The following SULF2 variants were observed in gnomAD, a reference collection of about 807,000 sequenced individuals.
The protein encoded by SULF2 is sulfatase 2, also known as extracellular sulfatase Sulf-2.
SULF2 carries 52 observed loss-of-function variants against 107.7 expected under a neutral mutation model. The ratio of observed to expected loss-of-function variants is 0.48; its 90% CI spans 0.39 to 0.61. The LOEUF (loss-of-function observed/expected upper bound fraction) is 0.61. SULF2 is among the 20% of genes least tolerant of loss of function. The pLI is 0.00. For missense variants in SULF2, 993 were observed against 1,177.3 expected (o/e 0.84, Z 2.29); for synonymous variants, 460 against 464.3 (o/e 0.99, Z 0.12).
At chr20:47,659,474 G>A in intron 19 of SULF2, 22 bp from the exon 20 acceptor site, 1 of 1,612,896 alleles carries the variant, frequency 6.2e-7, no homozygotes, top group Non-Finnish European at 8.5e-7. Context: ...AGTGTCAAAG[G>A]AGAATGAATG....
At chr20:47,705,168 G>A (rs2088689737) in intron 3 of SULF2, among the ~76,000 whole-genome samples, 1 of 152,224 alleles carries the variant, frequency 6.6e-6, no homozygotes, top group Non-Finnish European at 1.5e-5. Context: ...TCCAGAGGGA[G>A]GAGCTGATGA....
At position 47,680,136 on chromosome 20, in the gene SULF2, G is replaced by C. The variant is rs1012757762; in HGVS notation, c.1065-1332C>G. Among the ~76,000 whole-genome samples the C allele has an allele frequency of 6.6e-6, 1 of 152,100 alleles. No individual in the cohort carries two copies. The highest frequency in any genetic ancestry group is 1.5e-5 in the Non-Finnish European group (1 of 68,018). On this transcript the variant is annotated intron_variant, in intron 7 of 20. Transcript: ENST00000688720. This position sits in a 1 kb window ranked among gnomAD's most constrained non-coding sequence, Gnocchi z 4.2. ...TGTTTCTTTTTTTGAGAGGTGTCTT[G>C]CTCTGTCACCCAGGATGCAGTGTGG...
At position 47,678,398 on chromosome 20, in the gene SULF2, C is replaced by A; in HGVS notation, c.1193+278G>T. ...AGCGCCGTGCAGTTAGCACCATCTC[C>A]TACCATCACTGCTGCTATCATTTCA... On this transcript the variant is annotated intron_variant, in intron 8 of 20. Coordinates refer to ENST00000688720, the MANE Select transcript of SULF2 (RefSeq NM_001387048.1). The surrounding 1 kb of genome is among the most constrained non-coding windows in gnomAD (Gnocchi z 4.5). The A allele has an allele frequency of 2.4e-6, 1 of 414,718 alleles. No individual in the cohort carries two copies. The allele number at this position is 414,718 out of a possible 1,614,324, so 25.7% of individuals were successfully genotyped here.
rs6125070 is a variant in SULF2 at position 47,676,400 on chromosome 20, G to C, written c.1380+94C>G. The C allele has an allele frequency of 2.7e-3, 3,944 of 1,438,514 alleles. 107 individuals carry two copies. The East Asian group carries it at 0.066, about 24-fold the overall frequency. 89.1% of individuals were successfully genotyped at this position (1,438,514 alleles called of 1,614,324 possible). A position where few individuals can be genotyped will look rare whatever the true frequency, so the allele number is the denominator to read the frequency against. On this transcript the variant is annotated intron_variant, in intron 10 of 20. Coordinates refer to ENST00000688720, the MANE Select transcript of SULF2 (RefSeq NM_001387048.1). ...AAAGGACTACCCGTTGGGAGGCCCT[G>C]GCCCTGCTGGCTCAGCGGCTCTCAG...
intron 3 of SULF2, among the ~76,000 whole-genome samples, chr20:47,721,368 C>T (rs1405525413): frequency 1.1e-5 from 1 of 88,930 alleles, no homozygotes; most frequent in Admixed American, 1.0e-4. Flanking sequence ...TAAGAAGAAG[C>T]TATTTTTTTT....
Position 47,678,574 on chromosome 20 carries a change from C to T in SULF2, c.1193+102G>A, listed in dbSNP as rs985242718. The T allele has an allele frequency of 1.5e-5, 22 of 1,482,626 alleles. No homozygotes were observed. The highest frequency in any genetic ancestry group is 9.7e-5 in the African/African-American group (7 of 72,334). 91.8% of individuals were successfully genotyped at this position (1,482,626 alleles called of 1,614,324 possible). ...GGCGGGACCTGAGAACCCCAGCTCC[C>T]GACCCTTGGAGACCCCACGTTCTAG... is the stretch of plus-strand genomic sequence containing the variant. On this transcript the variant is annotated intron_variant, in intron 8 of 20. Coordinates refer to ENST00000688720, the MANE Select transcript of SULF2 (RefSeq NM_001387048.1). This position sits in a 1 kb window ranked among gnomAD's most constrained non-coding sequence, Gnocchi z 4.5.
At chr20:47,747,864 C>T (rs1287428086) in intron 2 of SULF2, among the ~76,000 whole-genome samples, 1 of 152,114 alleles carries the variant, frequency 6.6e-6, no homozygotes, top group Non-Finnish European at 1.5e-5. Context: ...ACTCACGATC[C>T]ATAAAGCAAA....
At chr20:47,705,013 A>T (rs117374620) in intron 3 of SULF2, among the ~76,000 whole-genome samples, 9,684 of 152,246 alleles carry the variant, frequency 0.064, 318 homozygotes, top group Middle Eastern at 0.078. Context: ...TTTCCTGGTG[A>T]CCTGGCAGAT....
chr20:47,771,521 G>T (rs190930567), intron 1 of SULF2, among the ~76,000 whole-genome samples: 2 of 152,224 alleles, frequency 1.3e-5, no homozygotes, highest in Admixed American at 1.3e-4. Context: ...GGGGAAAAAG[G>T]CCCCAACCTC....
intron 3 of SULF2, among the ~76,000 whole-genome samples, chr20:47,704,796 T>G (rs1214361528): frequency 6.6e-6 from 1 of 152,180 alleles, no homozygotes; most frequent in Non-Finnish European, 1.5e-5. Flanking sequence ...GCGCTGGGCC[T>G]TGTGCACGTG....
chr20:47,768,004 C>T (rs1003822984), intron 1 of SULF2, among the ~76,000 whole-genome samples: 5 of 152,250 alleles, frequency 3.3e-5, no homozygotes, highest in African/African-American at 7.2e-5. Flanking sequence ...AATGCTAGAT[C>T]GTGGGATCCT....
chr20:47,665,415 GC>G, intron 13 of SULF2, 122 bp from the exon 14 acceptor site: 1 of 734,986 alleles, frequency 1.4e-6, no homozygotes, highest in Non-Finnish European at 2.4e-6. Context: ...CACTCCCCGG[GC>G]CCCAGGGCAA....
At position 47,690,234 on chromosome 20, in the gene SULF2, A is replaced by C. The variant is rs1296283324; in HGVS notation, c.629T>G (p.Met210Arg). Reference protein sequence around the residue: ...SVSFFRTSKKMYPHRPVLMVI... With the variant: ...SVSFFRTSKKRYPHRPVLMVI... ...CATGAGGACTGGCCTGTGCGGGTAC[A>C]TCTTCTTGGACGTGCGGAAGAAGCT... is the stretch of plus-strand genomic sequence containing the variant. Residue 210 changes from methionine (M) to arginine (R), a missense_variant, in exon 5 of 21, where the codon ATG becomes AGG. Met to Arg is a moderately conservative substitution (Grantham distance 91, BLOSUM62 -1). Transcript: ENST00000688720. 2.5e-6 allele frequency: 4 copies of C among 1,571,580 alleles called. No homozygotes were observed. Among genetic ancestry groups the C allele is most frequent in the Non-Finnish European group, 3.5e-6 (4 of 1,155,640 alleles).
At chr20:47,706,248 C>T (rs989372198) in intron 3 of SULF2, among the ~76,000 whole-genome samples, 6 of 152,152 alleles carry the variant, frequency 3.9e-5, no homozygotes, top group African/African-American at 1.4e-4. Flanking sequence ...AACCTTGTGA[C>T]CTTGACCCCC....
At chr20:47,711,873 C>T (rs941811472) in intron 3 of SULF2, among the ~76,000 whole-genome samples, 7 of 152,050 alleles carry the variant, frequency 4.6e-5, no homozygotes, top group South Asian at 2.1e-4. Flanking sequence ...CATATACACA[C>T]GAGTGAATAC....
intron 2 of SULF2, among the ~76,000 whole-genome samples, chr20:47,741,064 G>T (rs1306467346): frequency 6.6e-6 from 1 of 152,126 alleles, no homozygotes; most frequent in Non-Finnish European, 1.5e-5. Flanking sequence ...TGGGTCAGGC[G>T]ATCATCCTCT....
intron 1 of SULF2, among the ~76,000 whole-genome samples, chr20:47,764,461 T>G (rs1205931166): frequency 6.6e-6 from 1 of 152,132 alleles, no homozygotes; most frequent in African/African-American, 2.4e-5. Flanking sequence ...CCCTTATATA[T>G]GGTTTGACTG....
intron 2 of SULF2, among the ~76,000 whole-genome samples, chr20:47,746,448 C>G (rs1382328693): frequency 6.6e-6 from 1 of 152,210 alleles, no homozygotes; most frequent in East Asian, 1.9e-4. Flanking sequence ...CAGCCCTCTC[C>G]TGGCCCTCAA....
chr20:47,708,939 G>T (rs566437880), intron 3 of SULF2, among the ~76,000 whole-genome samples: 4 of 152,046 alleles, frequency 2.6e-5, no homozygotes, highest in Non-Finnish European at 5.9e-5. Context: ...ACCCAAAAAG[G>T]GTGTATTATT....
Sources: allele counts gnomAD v4.1 joint callset (sites outside exome capture counted in the v4.1 genomes callset), GRCh38; gene constraint gnomAD v4.1.1; non-coding constraint Gnocchi (gnomAD v3.1); transcripts MANE v1.5; gene names NCBI Gene and HGNC (gene_info 2026-07-23, HGNC 2026-07-21).